The following PSD4 variants were observed in gnomAD, a reference collection of about 807,000 sequenced individuals.
The protein encoded by PSD4 is pleckstrin and Sec7 domain containing 4.
A neutral mutation model predicts 112.5 loss-of-function variants in PSD4; 59 were observed. The observed-to-expected ratio is 0.52, with a 90% CI of 0.43 to 0.65. The LOEUF (loss-of-function observed/expected upper bound fraction) is 0.65. PSD4 is among the 30% of genes least tolerant of loss of function. The pLI, the probability that PSD4 is intolerant of heterozygous loss-of-function variation, is 0.00. For missense variants in PSD4, 1,267 were observed against 1,352.6 expected (o/e 0.94, Z 0.99); for synonymous variants, 533 against 540.0 (o/e 0.99, Z 0.18).
At position 113,193,662 on chromosome 2, in the gene PSD4, G is replaced by C. The variant is rs369791634; in HGVS notation, c.2091+12G>C. ...ACCTGCATGGACAGGTAAGACGGTGGAGAGAGTCCCTGTGGGAACTGAGGC... is the reference window on the plus strand; with the variant it reads ...ACCTGCATGGACAGGTAAGACGGTGCAGAGAGTCCCTGTGGGAACTGAGGC... On this transcript the variant is annotated intron_variant, in intron 9 of 16. Transcript: ENST00000245796. 3.7e-6 allele frequency: 6 copies of C among 1,611,510 alleles called. No homozygotes were observed. Among genetic ancestry groups the C allele is most frequent in the Non-Finnish European group, 5.1e-6 (6 of 1,177,614 alleles).
rs756471842 is a variant in PSD4, at chr2:113,182,585, G to C, written c.129G>C (p.Pro43=). ...AAACGTGCAGCCATGAGGATCCACC[G>C]GAGCCTTTCGAGGAGCAAACCTGGG... ...PRETCSHEDP[P]EPFEEQTWAT... is the part of the protein sequence containing the mutation. The change falls in exon 2 of 17, where the codon CCG becomes CCC. Residue 43 remains proline (P), a synonymous_variant. Transcript: ENST00000245796. 4 of 1,614,164 alleles carry C rather than the reference G, an allele frequency of 2.5e-6. No individual in the cohort carries two copies. In the South Asian group the frequency reaches 4.4e-5, roughly 18 times the overall value.
At chr2:113,177,165 G>A (rs1361194698) in intron 1 of PSD4, among the ~76,000 whole-genome samples, 2 of 152,242 alleles carry the variant, frequency 1.3e-5, no homozygotes, top group African/African-American at 4.8e-5. Context: ...GGGGAGCACT[G>A]CCCTTGGAGC....
At position 113,183,420 on chromosome 2, in the gene PSD4, G is replaced by A; in HGVS notation, c.964G>A (p.Val322Met). ...TGGGCATTGTACCCCTCCATTCCCT[G>A]TGCCCATCTATAAACCACACTCCAT... is the stretch of plus-strand genomic sequence containing the variant. ...ISGHCTPPFP[V>M]PIYKPHSICW... The change falls in exon 2 of 17, where the codon GTG becomes ATG. Residue 322 changes from valine to methionine, a missense_variant. Physicochemically the swap from Val to Met is conservative, Grantham distance 21 (BLOSUM62 1). Around this residue, in one of 2 missense-constraint regions of PSD4, gnomAD observed 723 missense variants for 704.0 expected, o/e 1.03. Coordinates refer to ENST00000245796, the MANE Select transcript of PSD4 (RefSeq NM_012455.3). The A allele has an allele frequency of 6.3e-7, 1 of 1,575,632 alleles. No homozygotes were observed. Among genetic ancestry groups the A allele is most frequent in the Admixed American group, 1.8e-5 (1 of 54,278 alleles).
Position 113,203,955 on chromosome 2 carries a change from A to G in PSD4, c.*2540A>G, listed in dbSNP as rs1688829860. The G allele has an allele frequency of 6.6e-6, 1 of 151,906 alleles. No individual in the cohort carries two copies. Among genetic ancestry groups the G allele is most frequent in the African/African-American group, 2.4e-5 (1 of 41,358 alleles). The allele number at this position is 151,906 out of a possible 1,614,324, so 9.4% of individuals were successfully genotyped here. A position where few individuals can be genotyped will look rare whatever the true frequency, so the allele number is the denominator to read the frequency against. On this transcript the variant is annotated 3_prime_UTR_variant, in exon 17 of 17. Transcript: ENST00000245796. ...GCTCCTTTGCTCATGTAGAACCGGC[A>G]CCTCTCTTTCACCTGAGCACGTGGA...
At chr2:113,184,150 A>G (rs964910292) in intron 2 of PSD4, among the ~76,000 whole-genome samples, 3 of 152,228 alleles carry the variant, frequency 2.0e-5, no homozygotes, top group Admixed American at 1.3e-4. Flanking sequence ...CTTAAGAGAT[A>G]AGGAGACTCA....
At chr2:113,178,880 C>G (rs374233730) in intron 1 of PSD4, among the ~76,000 whole-genome samples, 1 of 152,144 alleles carries the variant, frequency 6.6e-6, no homozygotes, top group South Asian at 2.1e-4. Context: ...AAGACCAGGA[C>G]TTTACAGAGA....
intron 7 of PSD4, 31 bp from the exon 8 acceptor site, chr2:113,193,227 C>T (rs370840866): frequency 8.2e-6 from 13 of 1,588,110 alleles, no homozygotes; most frequent in Non-Finnish European, 1.1e-5. Context: ...AGCTCCCGGG[C>T]TCTCTCCTTG....
intron 10 of PSD4, 50 bp downstream of exon 10, chr2:113,193,998 T>G: frequency 6.4e-7 from 1 of 1,564,338 alleles, no homozygotes; most frequent in Non-Finnish European, 8.8e-7. Flanking sequence ...CCTGGAGCCT[T>G]GGTTCTTTGT....
chr2:113,182,782 C>T lies in PSD4; in HGVS notation c.326C>T (p.Ser109Phe). The change falls in exon 2 of 17, where the codon TCC (serine) becomes TTC (phenylalanine). Residue 109 changes from serine (S) to phenylalanine (F), a missense_variant. Ser to Phe is a radical substitution (Grantham distance 155). Transcript: ENST00000245796. ...STRQDAPPWG[S>F]GVELTHLGSP... ...AGACAAGATGCTCCTCCCTGGGGCT[C>T]CGGTGTGGAGCTCACACACCTGGGG... 6.3e-7 allele frequency: 1 copy of T among 1,596,830 alleles called. No homozygotes were observed. The highest frequency in any genetic ancestry group is 8.5e-7 in the Non-Finnish European group (1 of 1,169,948).
At chr2:113,179,218 A>G (rs1688057637) in intron 1 of PSD4, among the ~76,000 whole-genome samples, 1 of 152,116 alleles carries the variant, frequency 6.6e-6, no homozygotes, top group Admixed American at 6.6e-5. Flanking sequence ...TAGAAGTAGA[A>G]CCGTCTCAGG....
At position 113,182,381 on chromosome 2, in the gene PSD4, T is replaced by C. The variant is rs1688161049; in HGVS notation, c.-76T>C. The C allele has an allele frequency of 7.3e-7, 1 of 1,370,280 alleles. No homozygotes were observed. The highest frequency in any genetic ancestry group is 2.2e-5 in the Admixed American group (1 of 44,544). 84.9% of individuals were successfully genotyped at this position (1,370,280 alleles called of 1,614,324 possible). A position where few individuals can be genotyped will look rare whatever the true frequency, so the allele number is the denominator to read the frequency against. On this transcript the variant is annotated 5_prime_UTR_variant, in exon 2 of 17. Transcript: ENST00000245796. Reference sequence around the variant, plus strand: ...GATTCCCAGTTTCTCCAGCGGCCAGTGCTCCCCCTAGTCCACACAGTGAGA... The same window carrying C: ...GATTCCCAGTTTCTCCAGCGGCCAGCGCTCCCCCTAGTCCACACAGTGAGA...
At chr2:113,174,849 A>G (rs45551438) in intron 1 of PSD4, among the ~76,000 whole-genome samples, 1 of 152,182 alleles carries the variant, frequency 6.6e-6, no homozygotes, top group Non-Finnish European at 1.5e-5. Flanking sequence ...TCCAGGGCCT[A>G]AAATTCCACA....
intron 5 of PSD4, among the ~76,000 whole-genome samples, chr2:113,188,789 T>C (rs968688908): frequency 4.6e-5 from 7 of 152,034 alleles, no homozygotes; most frequent in African/African-American, 1.2e-4. Context: ...CCCGTGGTCT[T>C]GATCTCCTGA....
Position 113,201,269 on chromosome 2 carries a change from G to A in PSD4, c.3025G>A (p.Glu1009Lys). The stretch of plus-strand genomic sequence containing the variant: ...GGGGAGGGAAGCTGGAGGCACTCGG[G>A]AGCCCAAGCTCAGCCTGAAGAAGTC... ...QLGREAGGTR[E>K]PKLSLKKSHS... The change falls in exon 17 of 17, where the codon GAG (glutamate) becomes AAG (lysine). Residue 1009 changes from glutamate to lysine, a missense_variant. Physicochemically the swap from Glu to Lys is moderately conservative, Grantham distance 56. Coordinates refer to ENST00000245796, the MANE Select transcript of PSD4 (RefSeq NM_012455.3). The A allele has an allele frequency of 6.2e-7, 1 of 1,614,194 alleles. No homozygotes were observed. The highest frequency in any genetic ancestry group is 8.5e-7 in the Non-Finnish European group (1 of 1,180,038).
intron 1 of PSD4, among the ~76,000 whole-genome samples, chr2:113,178,928 T>C (rs1688049049): frequency 6.6e-6 from 1 of 152,134 alleles, no homozygotes; most frequent in African/African-American, 2.4e-5. Flanking sequence ...AGGGAGGCAG[T>C]TGAGTAGAGC....
intron 2 of PSD4, among the ~76,000 whole-genome samples, chr2:113,183,837 G>C (rs1197057579): frequency 6.6e-6 from 1 of 152,170 alleles, no homozygotes; most frequent in African/African-American, 2.4e-5. Flanking sequence ...CATGTTCCAG[G>C]CCATTCTCAG....
In PSD4 at chr2:113,202,981, G is replaced by C. The variant is rs904669097; in HGVS notation, c.*1566G>C. Reference sequence around the variant, plus strand: ...GCTAGGACCACCTGCAGTGTGGCAGGCTTCATCCCTCTTTGCTCCAAGTGT... The same window carrying C: ...GCTAGGACCACCTGCAGTGTGGCAGCCTTCATCCCTCTTTGCTCCAAGTGT... On this transcript the variant is annotated 3_prime_UTR_variant, in exon 17 of 17. Coordinates refer to ENST00000245796, the MANE Select transcript of PSD4 (RefSeq NM_012455.3). 3.3e-5 allele frequency: 5 copies of C among 152,388 alleles called. No individual in the cohort carries two copies. Among genetic ancestry groups the C allele is most frequent in the Non-Finnish European group, 5.9e-5 (4 of 68,140 alleles). The allele number at this position is 152,388 out of a possible 1,614,324, so 9.4% of individuals were successfully genotyped here.
rs1573382302 is a variant in PSD4 at position 113,201,350 on chromosome 2, C to T, written c.3106C>T (p.Arg1036Cys). ...GGCTCCCACCACGGCCAAGGTGAAGCGCAACATCTCAGAGCGCAGAACCTA... is the reference window on the plus strand; with the variant it reads ...GGCTCCCACCACGGCCAAGGTGAAGTGCAACATCTCAGAGCGCAGAACCTA... ...DEAPTTAKVK[R>C]NISERRTYRK... The change falls in exon 17 of 17, where the codon CGC becomes TGC. Residue 1036 changes from arginine to cysteine, a missense_variant. Physicochemically the swap from Arg to Cys is radical, Grantham distance 180. Transcript: ENST00000245796. The T allele has an allele frequency of 1.9e-6, 3 of 1,614,162 alleles. No individual in the cohort carries two copies. Among genetic ancestry groups the T allele is most frequent in the Non-Finnish European group, 2.5e-6 (3 of 1,180,022 alleles).
rs771094332 is a variant in PSD4 at position 113,192,532 on chromosome 2, G to A, written c.1781G>A (p.Arg594His). 1.7e-5 allele frequency: 28 copies of A among 1,614,228 alleles called. No individual in the cohort carries two copies. The highest frequency in any genetic ancestry group is 6.7e-5 in the East Asian group (3 of 44,886). Residue 594 changes from arginine to histidine, a missense_variant, in exon 6 of 17, where the codon CGC (arginine) becomes CAC (histidine). Coordinates refer to ENST00000245796, the MANE Select transcript of PSD4 (RefSeq NM_012455.3). ...AAGGTAGCCTGGAACTTGGCCTCAC[G>A]CCTCTATCGCCTGGAGGGCTTCCGG... ...NNKVAWNLASRLYRLEGFRKS... is the reference protein window; with the variant it reads ...NNKVAWNLASHLYRLEGFRKS...
Sources: allele counts gnomAD v4.1 joint callset (sites outside exome capture counted in the v4.1 genomes callset), GRCh38; gene constraint gnomAD v4.1.1; regional missense constraint gnomAD v4.1.1; transcripts MANE v1.5; gene names NCBI Gene and HGNC (gene_info 2026-07-23, HGNC 2026-07-21).